ADAMTSL1: variants seen among roughly 807,000 people sequenced by gnomAD.
The protein encoded by ADAMTSL1 is ADAMTS-like protein 1.
A neutral mutation model predicts 201.8 loss-of-function variants in ADAMTSL1; 126 were observed. That is an observed-to-expected ratio of 0.62 (90% CI 0.54 to 0.72). The LOEUF (loss-of-function observed/expected upper bound fraction) is 0.72, where lower values mean the gene tolerates loss of function less well. Ranked by LOEUF, ADAMTSL1 falls within the 30% of genes least tolerant of loss-of-function variation. The pLI, the probability that ADAMTSL1 is intolerant of heterozygous loss-of-function variation, is 0.00. For synonymous variants in ADAMTSL1, 1,121 were observed against 903.4 expected (o/e 1.24, Z -4.32); for missense variants, 2,679 against 2,277.8 (o/e 1.18, Z -3.59).
intron 23 of ADAMTSL1, among the ~76,000 whole-genome samples, chr9:18,865,123 T>C (rs546073994): frequency 3.9e-5 from 6 of 152,314 alleles, no homozygotes; most frequent in East Asian, 1.9e-4. Flanking sequence ...ATGTGCCATG[T>C]TGGTGTGCTG....
At chr9:18,715,658 T>G (rs1258520950) in intron 14 of ADAMTSL1, among the ~76,000 whole-genome samples, 1 of 152,132 alleles carries the variant, frequency 6.6e-6, no homozygotes, top group Non-Finnish European at 1.5e-5. Flanking sequence ...ATGGCCATAC[T>G]GCCCAAGGTA....
intron 21 of ADAMTSL1, among the ~76,000 whole-genome samples, chr9:18,824,903 G>C (rs957068832): frequency 5.9e-5 from 9 of 151,892 alleles, no homozygotes; most frequent in Non-Finnish European, 1.0e-4. Context: ...TCACCATGTT[G>C]GTCAGACTGG....
chr9:18,118,785 C>T lies in ADAMTSL1; in HGVS notation c.88-45077C>T, dbSNP rs185950808. ...CCAATTGCTTATAAACTCCTCTAAA[C>T]GCATATGCCTTTATTCGAAATTGTA... On this transcript the variant is annotated intron_variant, in intron 1 of 29. Transcript: ENST00000680146. Among the ~76,000 whole-genome samples, 93 of 152,258 alleles carry T rather than the reference C, an allele frequency of 6.1e-4. 2 individuals are homozygous for T. Among genetic ancestry groups the T allele is most frequent in the Middle Eastern group, 6.8e-3 (2 of 292 alleles).
At chr9:18,723,214 ATTCT>A in intron 15 of ADAMTSL1, 2 of 668,292 alleles carry the variant, frequency 3.0e-6, no homozygotes, top group Non-Finnish European at 5.5e-6. Context: ...ATGTCCCATG[ATTCT>A]TTATTTTGTA....
chr9:17,913,985 T>C (rs1173176292), intron 1 of ADAMTSL1, among the ~76,000 whole-genome samples: 8 of 152,148 alleles, frequency 5.3e-5, no homozygotes, highest in Non-Finnish European at 4.4e-5. Flanking sequence ...AAGTTGAATC[T>C]CTGAATAGAC....
At chr9:17,908,233 C>T (rs1231556037) in intron 1 of ADAMTSL1, among the ~76,000 whole-genome samples, 1 of 152,136 alleles carries the variant, frequency 6.6e-6, no homozygotes, top group Non-Finnish European at 1.5e-5. Context: ...GTTGTATTCC[C>T]ACCATGCTTC....
At chr9:17,947,345 A>ACCCACC (rs1827541813) in intron 1 of ADAMTSL1, among the ~76,000 whole-genome samples, 1 of 147,022 alleles carries the variant, frequency 6.8e-6, no homozygotes, top group African/African-American at 2.5e-5. Flanking sequence ...ACACACACAC[A>ACCCACC]CCCCACTATG....
chr9:18,686,709 G>A (rs892367445), intron 13 of ADAMTSL1, among the ~76,000 whole-genome samples: 3 of 152,030 alleles, frequency 2.0e-5, no homozygotes, highest in Non-Finnish European at 4.4e-5. Flanking sequence ...TCTGGCTGAT[G>A]GTAAATAATA....
chr9:17,939,520 T>C (rs1435801578), intron 1 of ADAMTSL1, among the ~76,000 whole-genome samples: 3 of 152,112 alleles, frequency 2.0e-5, no homozygotes, highest in African/African-American at 4.8e-5. Context: ...TAATGTATAC[T>C]TGGTTGGTAA....
intron 2 of ADAMTSL1, among the ~76,000 whole-genome samples, chr9:18,461,811 CAGTT>C (rs1174498561): frequency 1.3e-5 from 2 of 152,230 alleles, no homozygotes; most frequent in East Asian, 3.9e-4. Context: ...CGTTGACTAA[CAGTT>C]AGAAGATAAA....
intron 2 of ADAMTSL1, among the ~76,000 whole-genome samples, chr9:18,314,704 T>C (rs576269162): frequency 1.3e-5 from 2 of 148,220 alleles, no homozygotes; most frequent in African/African-American, 5.0e-5. Context: ...AAGGTTTATC[T>C]CGAAGAGCAA....
chr9:18,384,351 C>T (rs1252971002), intron 2 of ADAMTSL1, among the ~76,000 whole-genome samples: 2 of 152,090 alleles, frequency 1.3e-5, no homozygotes, highest in Admixed American at 6.5e-5. Flanking sequence ...AAATCTGCCC[C>T]GTGATTCAAT....
intron 1 of ADAMTSL1, among the ~76,000 whole-genome samples, chr9:18,012,779 G>A (rs572249461): frequency 1.6e-4 from 24 of 152,064 alleles, no homozygotes; most frequent in African/African-American, 5.5e-4. Flanking sequence ...ATCACAATGC[G>A]GGAGCTTTGT....
chr9:18,408,214 A>G (rs1433628569), intron 2 of ADAMTSL1, among the ~76,000 whole-genome samples: 1 of 152,180 alleles, frequency 6.6e-6, no homozygotes, highest in Non-Finnish European at 1.5e-5. Context: ...GACACCTGCA[A>G]TCCCAGCACT....
At chr9:18,395,743 G>A (rs539512924) in intron 2 of ADAMTSL1, among the ~76,000 whole-genome samples, 21 of 152,274 alleles carry the variant, frequency 1.4e-4, no homozygotes, top group African/African-American at 5.1e-4. Context: ...GAAAAGTGTA[G>A]TTTAACTAGT....
At chr9:18,151,406 C>T (rs1313938980) in intron 1 of ADAMTSL1, among the ~76,000 whole-genome samples, 2 of 152,000 alleles carry the variant, frequency 1.3e-5, no homozygotes, top group African/African-American at 4.8e-5. Context: ...CTCAGAATTC[C>T]TCTAAATTTT....
At chr9:18,854,312 G>T (rs768313108) in intron 23 of ADAMTSL1, among the ~76,000 whole-genome samples, 3 of 152,058 alleles carry the variant, frequency 2.0e-5, no homozygotes, top group Non-Finnish European at 4.4e-5. Context: ...ACAACCGTAG[G>T]TTCCCTGAAA....
At chr9:18,754,485 T>C (rs1819632723) in intron 16 of ADAMTSL1, among the ~76,000 whole-genome samples, 1 of 152,188 alleles carries the variant, frequency 6.6e-6, no homozygotes, top group Admixed American at 6.5e-5. Flanking sequence ...TACATCTCTG[T>C]TTCACTGAGA....
intron 2 of ADAMTSL1, among the ~76,000 whole-genome samples, chr9:18,266,687 G>C (rs1020121911): frequency 1.3e-5 from 2 of 152,116 alleles, no homozygotes; most frequent in Non-Finnish European, 2.9e-5. Context: ...TCCTCATCAT[G>C]GTGATGGTCT....
Sources: gnomAD v4.1 joint callset for allele counts (sites outside exome capture counted in the v4.1 genomes callset) on GRCh38, gnomAD v4.1.1 for gene constraint, MANE v1.5 for transcripts, NCBI Gene and HGNC (gene_info 2026-07-23, HGNC 2026-07-21) for gene names.